The following NR3C2 variants were observed in gnomAD, a reference collection of about 807,000 sequenced individuals.
The protein encoded by NR3C2 is nuclear receptor subfamily 3 group C member 2.
NR3C2 carries 15 observed loss-of-function variants against 86.4 expected under a neutral mutation model. The ratio of observed to expected loss-of-function variants is 0.17; its 90% CI spans 0.12 to 0.27. NR3C2 has a LOEUF of 0.27. NR3C2 is among the 10% of genes least tolerant of loss of function. The probability of loss-of-function intolerance (pLI) is 1.00; values close to 1 mark genes in which losing one functional copy is unlikely to be tolerated. For missense variants in NR3C2, 960 were observed against 1,195.6 expected, an observed-to-expected ratio of 0.80 and a Z score of 2.91; for synonymous variants, 458 against 450.5, an observed-to-expected ratio of 1.02 and a Z score of -0.21.
intron 2 of NR3C2, among the ~76,000 whole-genome samples, chr4:148,330,322 A>C (rs1280103994): frequency 6.6e-6 from 1 of 152,158 alleles, no homozygotes; most frequent in Non-Finnish European, 1.5e-5. Context: ...GCCCACACAC[A>C]CTATGAATTA....
At chr4:148,131,917 CAT>C (rs1476508604) in intron 6 of NR3C2, among the ~76,000 whole-genome samples, 4 of 152,158 alleles carry the variant, frequency 2.6e-5, no homozygotes, top group Non-Finnish European at 2.9e-5. Flanking sequence ...ATCAGAATAA[CAT>C]GTGACAATGT....
intron 2 of NR3C2, among the ~76,000 whole-genome samples, chr4:148,428,933 T>C (rs936886944): frequency 1.2e-4 from 19 of 152,186 alleles, no homozygotes; most frequent in Non-Finnish European, 1.6e-4. Context: ...ACAAATTTCT[T>C]AGTGTAAATT....
chr4:148,142,022 T>C (rs926527288), intron 6 of NR3C2, among the ~76,000 whole-genome samples: 3 of 151,940 alleles, frequency 2.0e-5, no homozygotes, highest in Non-Finnish European at 2.9e-5. Flanking sequence ...ATGCTTTGGG[T>C]TGGGCTTGAG....
chr4:148,318,497 G>T (rs1014522125), intron 2 of NR3C2, among the ~76,000 whole-genome samples: 182 of 150,172 alleles, frequency 1.2e-3, no homozygotes, highest in Non-Finnish European at 2.2e-3. Context: ...CACCAACAGT[G>T]TAAAAGTGTT....
At chr4:148,233,917 A>G (rs540132585) in intron 3 of NR3C2, among the ~76,000 whole-genome samples, 1 of 152,348 alleles carries the variant, frequency 6.6e-6, no homozygotes, top group Non-Finnish European at 1.5e-5. Flanking sequence ...TGAAGTGAGC[A>G]CATGCTGTTG....
chr4:148,339,608 T>C (rs1270378324), intron 2 of NR3C2, among the ~76,000 whole-genome samples: 7 of 152,182 alleles, frequency 4.6e-5, no homozygotes, highest in Admixed American at 1.3e-4. Flanking sequence ...CTAATTGATA[T>C]AGACTTGTGA....
intron 6 of NR3C2, among the ~76,000 whole-genome samples, chr4:148,134,800 C>T (rs1733219752): frequency 6.6e-6 from 1 of 151,466 alleles, no homozygotes; most frequent in African/African-American, 2.4e-5. Flanking sequence ...AGGTGTGCGC[C>T]ACCTTGCCCG....
chr4:148,097,807 T>C (rs1042773902), intron 8 of NR3C2, among the ~76,000 whole-genome samples: 1 of 150,264 alleles, frequency 6.7e-6, no homozygotes, highest in African/African-American at 2.5e-5. Flanking sequence ...GTATTTTATG[T>C]GCAGCCCAAG....
At chr4:148,083,786 A>G (rs1371811313) in intron 8 of NR3C2, among the ~76,000 whole-genome samples, 1 of 152,182 alleles carries the variant, frequency 6.6e-6, no homozygotes, top group African/African-American at 2.4e-5. Context: ...TTGAAAAAAG[A>G]CGAATTGTTA....
chr4:148,251,036 A>C (rs1739550647), intron 3 of NR3C2, among the ~76,000 whole-genome samples: 1 of 151,916 alleles, frequency 6.6e-6, no homozygotes, highest in South Asian at 2.1e-4. Context: ...CTATAGCCAC[A>C]ATATCCAGGT....
intron 4 of NR3C2, 85 bp from the exon 5 acceptor site, chr4:148,154,986 C>G: frequency 9.4e-7 from 1 of 1,064,678 alleles, no homozygotes; most frequent in Non-Finnish European, 1.4e-6. Flanking sequence ...CAGTTTTCCT[C>G]TAAATAGATC....
intron 2 of NR3C2, among the ~76,000 whole-genome samples, chr4:148,353,412 C>T (rs934468491): frequency 2.0e-5 from 3 of 152,072 alleles, no homozygotes; most frequent in South Asian, 2.1e-4. Flanking sequence ...TGTTTAAATA[C>T]GTCAATATAA....
intron 8 of NR3C2, among the ~76,000 whole-genome samples, chr4:148,097,833 A>G (rs904672588): frequency 3.4e-5 from 5 of 148,276 alleles, no homozygotes; most frequent in South Asian, 2.1e-4. Flanking sequence ...TCTTCTTCCA[A>G]TGTGGCCCAG....
chr4:148,204,231 T>C (rs1736886546), intron 3 of NR3C2, among the ~76,000 whole-genome samples: 1 of 152,204 alleles, frequency 6.6e-6, no homozygotes, highest in African/African-American at 2.4e-5. Context: ...TGGTGCGCAG[T>C]AAGAAAAAGC....
At chr4:148,126,338 G>C (rs1452096648) in intron 6 of NR3C2, among the ~76,000 whole-genome samples, 2 of 152,198 alleles carry the variant, frequency 1.3e-5, no homozygotes, top group African/African-American at 4.8e-5. Context: ...ATCATGGAGA[G>C]AATACAATGC....
intron 2 of NR3C2, among the ~76,000 whole-genome samples, chr4:148,263,891 C>CTCT (rs1029988435): frequency 2.0e-5 from 3 of 152,212 alleles, no homozygotes; most frequent in Non-Finnish European, 2.9e-5. Context: ...ACCACTCTTG[C>CTCT]TCTTGTATTA....
At chr4:148,378,519 C>T (rs901096945) in intron 2 of NR3C2, among the ~76,000 whole-genome samples, 4 of 152,152 alleles carry the variant, frequency 2.6e-5, no homozygotes, top group Non-Finnish European at 4.4e-5. Context: ...GTGGATCCCT[C>T]ATGAATGGTT....
intron 7 of NR3C2, among the ~76,000 whole-genome samples, chr4:148,118,468 CT>C (rs1732369795): frequency 6.6e-6 from 1 of 152,198 alleles, no homozygotes. Context: ...TTCTGCCACC[CT>C]CCTGTAACAC....
At chr4:148,144,080 T>C (rs1347830083) in intron 6 of NR3C2, among the ~76,000 whole-genome samples, 3 of 152,162 alleles carry the variant, frequency 2.0e-5, no homozygotes, top group African/African-American at 4.8e-5. Flanking sequence ...CCCTATCTTC[T>C]GCGTGCTCAG....
Sources: gnomAD v4.1 joint callset for allele counts (sites outside exome capture counted in the v4.1 genomes callset) on GRCh38, gnomAD v4.1.1 for gene constraint, MANE v1.5 for transcripts, NCBI Gene and HGNC (gene_info 2026-07-23, HGNC 2026-07-21) for gene names.